The following AK9 variants were observed in gnomAD, a reference collection of about 807,000 sequenced individuals.
AK9 encodes the protein adenylate kinase 9, also known as adenylate kinase domain containing 1.
AK9 carries 191 observed loss-of-function variants against 239.6 expected under a neutral mutation model. The observed-to-expected ratio is 0.80, with a 90% CI of 0.71 to 0.90. The LOEUF is 0.90. Among genes scored for constraint, AK9 ranks in the 40% least tolerant of loss-of-function variants. The probability of loss-of-function intolerance (pLI) is 0.00; values close to 1 mark genes in which losing one functional copy is unlikely to be tolerated. For missense variants in AK9, 1,995 were observed against 2,214.7 expected, an observed-to-expected ratio of 0.90 and a Z score of 1.99; for synonymous variants, 689 against 721.0, an observed-to-expected ratio of 0.96 and a Z score of 0.71.
At chr6:109,669,113 T>C (rs1187985534) in intron 5 of AK9, among the ~76,000 whole-genome samples, 3 of 151,450 alleles carry the variant, frequency 2.0e-5, no homozygotes, top group African/African-American at 7.2e-5. Context: ...GTCCTTCACA[T>C]CCCTTGTAAG....
intron 1 of AK9, among the ~76,000 whole-genome samples, chr6:109,682,489 T>C (rs966788192): frequency 1.4e-5 from 2 of 143,056 alleles, no homozygotes; most frequent in Non-Finnish European, 3.0e-5. Context: ...CAACAAAATA[T>C]ATGGACCACT....
intron 27 of AK9, among the ~76,000 whole-genome samples, chr6:109,538,556 T>C (rs1782360112): frequency 1.3e-5 from 2 of 151,904 alleles, no homozygotes; most frequent in African/African-American, 4.8e-5. Flanking sequence ...TGACTCTTTA[T>C]CCAATTTGCC....
chr6:109,650,124 T>TA (rs1296196120), intron 8 of AK9, among the ~76,000 whole-genome samples: 1 of 152,064 alleles, frequency 6.6e-6, no homozygotes, highest in Non-Finnish European at 1.5e-5. Flanking sequence ...CCTAAAACCA[T>TA]AAAAAACCTA....
At chr6:109,558,878 T>G (rs1431862638) in intron 24 of AK9, among the ~76,000 whole-genome samples, 2 of 152,048 alleles carry the variant, frequency 1.3e-5, no homozygotes, top group African/African-American at 4.8e-5. Context: ...TTTTTTTTTT[T>G]TTTGAGATGG....
intron 29 of AK9, among the ~76,000 whole-genome samples, chr6:109,517,222 G>A (rs747009384): frequency 6.6e-6 from 1 of 152,116 alleles, no homozygotes; most frequent in African/African-American, 2.4e-5. Context: ...AAAACGTTCA[G>A]TGTGTATCTC....
intron 38 of AK9, among the ~76,000 whole-genome samples, chr6:109,496,280 C>A (rs1012842188): frequency 6.6e-6 from 1 of 152,192 alleles, no homozygotes; most frequent in East Asian, 1.9e-4. Flanking sequence ...GTGTGCAGTC[C>A]GGTTTGCACC....
intron 20 of AK9, among the ~76,000 whole-genome samples, chr6:109,576,362 G>A (rs780762577): frequency 7.0e-6 from 1 of 143,618 alleles, no homozygotes; most frequent in Non-Finnish European, 1.5e-5. Context: ...GCAGTGTTTT[G>A]TAGTTTTCCT....
chr6:109,664,682 C>A (rs1800924795), intron 5 of AK9, among the ~76,000 whole-genome samples: 1 of 151,710 alleles, frequency 6.6e-6, no homozygotes, highest in South Asian at 2.1e-4. Context: ...CTCGGCCTCT[C>A]AAAGTGCTGG....
rs554260249 is a variant in AK9 at position 109,581,000 on chromosome 6, T to A, written c.2115-1374A>T. On this transcript the variant is annotated intron_variant, in intron 19 of 40. Coordinates refer to ENST00000424296, the MANE Select transcript of AK9 (RefSeq NM_001145128.3). ...ATTTCAAACTTCCTCATTATTATTA[T>A]GTGTCAGTGATCTGTGATCAATGGC... is the stretch of plus-strand genomic sequence containing the variant. 3.3e-5 allele frequency among the ~76,000 whole-genome samples: 5 copies of A among 152,282 alleles called. No individual in the cohort carries two copies. In the South Asian group the frequency reaches 6.2e-4, roughly 19 times the overall value.
At chr6:109,632,495 T>C (rs1796190444) in intron 12 of AK9, 2 of 275,726 alleles carry the variant, frequency 7.3e-6, no homozygotes, top group Non-Finnish European at 1.1e-5. Flanking sequence ...ACAAGATTAC[T>C]GAGGGAGGTG....
intron 29 of AK9, chr6:109,528,800 T>C: frequency 1.3e-6 from 1 of 775,534 alleles, no homozygotes; most frequent in South Asian, 1.5e-5. Context: ...GGGTCAGCCT[T>C]GAAAAGCTGT....
chr6:109,598,277 T>A (rs936845142), intron 17 of AK9, among the ~76,000 whole-genome samples: 1 of 144,936 alleles, frequency 6.9e-6, no homozygotes, highest in East Asian at 2.1e-4. Flanking sequence ...CCTGTGTCCA[T>A]GTGTTCTCAT....
intron 31 of AK9, among the ~76,000 whole-genome samples, chr6:109,514,933 C>T (rs1323869720): frequency 3.9e-5 from 6 of 152,082 alleles, no homozygotes; most frequent in African/African-American, 1.4e-4. Context: ...AGGATGGAAC[C>T]TGAATCTGGT....
intron 20 of AK9, among the ~76,000 whole-genome samples, chr6:109,574,374 AAAAC>A (rs377007961): frequency 7.2e-5 from 11 of 152,042 alleles, no homozygotes; most frequent in East Asian, 1.9e-4. Flanking sequence ...ACTCTGGCTC[AAAAC>A]AAACAAACAA....
At chr6:109,496,425 T>C (rs1777044332) in intron 38 of AK9, among the ~76,000 whole-genome samples, 1 of 152,232 alleles carries the variant, frequency 6.6e-6, no homozygotes, top group African/African-American at 2.4e-5. Flanking sequence ...GCTCTGCTCC[T>C]TGGAGCTCTG....
chr6:109,569,521 A>G (rs1250054825), intron 21 of AK9, among the ~76,000 whole-genome samples: 2 of 152,210 alleles, frequency 1.3e-5, no homozygotes, highest in Non-Finnish European at 1.5e-5. Context: ...AATTTTTGCA[A>G]TCTACCCATC....
chr6:109,563,716 G>C lies in AK9; in HGVS notation c.2636-4C>G. The C allele has an allele frequency of 6.5e-7, 1 of 1,544,956 alleles. No homozygotes were observed. The highest frequency in any genetic ancestry group is 8.7e-7 in the Non-Finnish European group (1 of 1,144,100). Reference sequence around the variant, plus strand: ...CATGCAGTATATTGAAATGGTTCTGGAGAAAAAGAGAATCATTGGGGAAAA... The same window carrying C: ...CATGCAGTATATTGAAATGGTTCTGCAGAAAAAGAGAATCATTGGGGAAAA... On this transcript the variant is annotated splice_polypyrimidine_tract_variant and splice_region_variant and intron_variant, in intron 23 of 40. Transcript: ENST00000424296.
At position 109,614,382 on chromosome 6, in the gene AK9, T is replaced by C; in HGVS notation, c.1495+3A>G. The C allele has an allele frequency of 9.7e-6, 15 of 1,550,854 alleles. No individual in the cohort carries two copies. The highest frequency in any genetic ancestry group is 1.3e-5 in the Non-Finnish European group (15 of 1,146,324). On this transcript the variant is annotated splice_donor_region_variant and intron_variant, in intron 14 of 40. Transcript: ENST00000424296. Reference sequence around the variant, plus strand: ...CAATAACATCAGCAATATATTTCTTTACCTTCTTCATCAATTGATGAGTGT... The same window carrying C: ...CAATAACATCAGCAATATATTTCTTCACCTTCTTCATCAATTGATGAGTGT...
At chr6:109,608,746 T>G (rs891667317) in intron 17 of AK9, among the ~76,000 whole-genome samples, 1 of 151,992 alleles carries the variant, frequency 6.6e-6, no homozygotes, top group Non-Finnish European at 1.5e-5. Context: ...TAAAATTAAC[T>G]CCTATTATTC....
Sources: gnomAD v4.1 joint callset for allele counts (sites outside exome capture counted in the v4.1 genomes callset) on GRCh38, gnomAD v4.1.1 for gene constraint, MANE v1.5 for transcripts, NCBI Gene and HGNC (gene_info 2026-07-23, HGNC 2026-07-21) for gene names.